The following ANKRD13C variants were observed in gnomAD, a reference collection of about 807,000 sequenced individuals.
ANKRD13C encodes the protein ankyrin repeat domain 13C.
A neutral mutation model predicts 65.5 loss-of-function variants in ANKRD13C; 16 were observed. The observed-to-expected ratio is 0.24, with a 90% CI of 0.17 to 0.37. The LOEUF is 0.37. Ranked by LOEUF, ANKRD13C falls within the 10% of genes least tolerant of loss-of-function variation. ANKRD13C has a pLI of 1.00. For missense variants in ANKRD13C, 503 were observed against 655.9 expected (o/e 0.77, Z 2.55); for synonymous variants, 235 against 238.7 (o/e 0.98, Z 0.14).
chr1:70,299,965 A>G (rs1680274208), intron 7 of ANKRD13C, among the ~76,000 whole-genome samples: 1 of 152,224 alleles, frequency 6.6e-6, no homozygotes, highest in Non-Finnish European at 1.5e-5. Flanking sequence ...ACACAAAGAT[A>G]TGGCATGAGA....
At chr1:70,323,918 G>C (rs1681425328) in intron 3 of ANKRD13C, among the ~76,000 whole-genome samples, 1 of 151,768 alleles carries the variant, frequency 6.6e-6, no homozygotes, top group Non-Finnish European at 1.5e-5. Context: ...TAGAGACGGG[G>C]TTTCACCACG....
chr1:70,337,406 C>A (rs996891486), intron 1 of ANKRD13C, among the ~76,000 whole-genome samples: 3 of 151,904 alleles, frequency 2.0e-5, no homozygotes, highest in Non-Finnish European at 4.4e-5. Flanking sequence ...ATGGTGAAAC[C>A]CCATCTCTAC....
Position 70,315,496 on chromosome 1 carries a change from T to C in ANKRD13C, c.648A>G (p.Leu216=). Reference sequence around the variant, plus strand: ...TATAGCTTACCTCTTTCAGGGCTTTTAATAATCGAGGTCGTTTTTCTTCAA... The same window carrying C: ...TATAGCTTACCTCTTTCAGGGCTTTCAATAATCGAGGTCGTTTTTCTTCAA... ...ESVEEKRPRL[L]KALKELGDFY... Residue 216 remains leucine (L), a synonymous_variant, in exon 4 of 13, where the codon TTA becomes TTG. Coordinates refer to ENST00000370944, the MANE Select transcript of ANKRD13C (RefSeq NM_030816.5). 2 of 1,602,078 alleles carry C rather than the reference T, an allele frequency of 1.2e-6. No homozygotes were observed. Among genetic ancestry groups the C allele is most frequent in the Non-Finnish European group, 1.7e-6 (2 of 1,172,776 alleles).
At chr1:70,302,449 G>A (rs1197706673) in intron 6 of ANKRD13C, among the ~76,000 whole-genome samples, 1 of 146,664 alleles carries the variant, frequency 6.8e-6, no homozygotes, top group African/African-American at 2.6e-5. Flanking sequence ...AGTATTGGCC[G>A]GGCGCGGTGG....
intron 1 of ANKRD13C, among the ~76,000 whole-genome samples, chr1:70,344,900 T>C (rs1471240498): frequency 6.6e-6 from 1 of 151,990 alleles, no homozygotes; most frequent in Non-Finnish European, 1.5e-5. Context: ...ATATAAAATT[T>C]CTTATGAAAA....
intron 9 of ANKRD13C, among the ~76,000 whole-genome samples, chr1:70,280,804 A>T (rs1221827038): frequency 2.6e-5 from 4 of 152,164 alleles, no homozygotes; most frequent in Non-Finnish European, 5.9e-5. Context: ...CCATTACATG[A>T]TTCAATCTAT....
At chr1:70,277,725 G>A (rs1482202078) in intron 9 of ANKRD13C, among the ~76,000 whole-genome samples, 1 of 152,098 alleles carries the variant, frequency 6.6e-6, no homozygotes, top group Non-Finnish European at 1.5e-5. Flanking sequence ...AACACAAGAA[G>A]ACTGATTTAA....
At chr1:70,353,538 C>A (rs1449603218) in intron 1 of ANKRD13C, among the ~76,000 whole-genome samples, 1 of 152,094 alleles carries the variant, frequency 6.6e-6, no homozygotes, top group Non-Finnish European at 1.5e-5. Flanking sequence ...CAACCAGTTG[C>A]AGTCAAGATG....
At chr1:70,335,915 C>T (rs1008892128) in intron 2 of ANKRD13C, 143 bp downstream of exon 2, 22 of 244,560 alleles carry the variant, frequency 9.0e-5, no homozygotes, top group Non-Finnish European at 1.3e-4. Flanking sequence ...AAAATATTTA[C>T]TAATTTCAAT....
intron 9 of ANKRD13C, among the ~76,000 whole-genome samples, chr1:70,282,515 G>T (rs1679442517): frequency 6.6e-6 from 1 of 152,162 alleles, no homozygotes; most frequent in Non-Finnish European, 1.5e-5. Flanking sequence ...TCTTGTTTAA[G>T]TCACTGTTCT....
rs111749565 is a variant in ANKRD13C, at chr1:70,296,219, T to C, written c.964A>G (p.Ser322Gly). 5.6e-6 allele frequency: 9 copies of C among 1,613,880 alleles called. No homozygotes were observed. The South Asian group carries it at 8.8e-5, about 16-fold the overall frequency. ...ETEEEVDILM[S>G]SDIYSATLST... Reference sequence around the variant, plus strand: ...AAAGTTGCAGAGTAAATATCACTGCTCATTAAAATATCCACCTCTTCTTCT... The same window carrying C: ...AAAGTTGCAGAGTAAATATCACTGCCCATTAAAATATCCACCTCTTCTTCT... The change falls in exon 8 of 13, where the codon AGC (serine) becomes GGC (glycine). Residue 322 changes from serine (S) to glycine (G), a missense_variant. By Grantham distance (56) the Ser-to-Gly change is moderately conservative. Coordinates refer to ENST00000370944, the MANE Select transcript of ANKRD13C (RefSeq NM_030816.5).
chr1:70,297,742 C>T (rs1479415719), intron 7 of ANKRD13C, among the ~76,000 whole-genome samples: 3 of 149,992 alleles, frequency 2.0e-5, no homozygotes, highest in Admixed American at 6.6e-5. Flanking sequence ...GGTGAAACCC[C>T]GTCTCTACTA....
chr1:70,309,711 G>T, intron 5 of ANKRD13C, among the ~76,000 whole-genome samples: 1 of 132,256 alleles, frequency 7.6e-6, no homozygotes, highest in African/African-American at 2.7e-5. Flanking sequence ...GCCAGACTCC[G>T]TCGCAAAAAA....
intron 12 of ANKRD13C, among the ~76,000 whole-genome samples, chr1:70,265,413 T>C (rs866057778): frequency 8.5e-5 from 13 of 152,150 alleles, no homozygotes; most frequent in African/African-American, 3.1e-4. Flanking sequence ...AAGTTTCTAC[T>C]ACATTTAACA....
At chr1:70,266,939 C>T (rs1678653667) in intron 12 of ANKRD13C, among the ~76,000 whole-genome samples, 1 of 152,098 alleles carries the variant, frequency 6.6e-6, no homozygotes, top group Non-Finnish European at 1.5e-5. Flanking sequence ...CTATAAATGC[C>T]AATTAAATCC....
intron 12 of ANKRD13C, 75 bp downstream of exon 12, chr1:70,270,781 A>G: frequency 9.6e-7 from 1 of 1,038,984 alleles, no homozygotes; most frequent in South Asian, 1.5e-5. Flanking sequence ...TTTAAAAGAA[A>G]TTGCTTATTA....
intron 3 of ANKRD13C, among the ~76,000 whole-genome samples, chr1:70,315,974 C>A (rs1316725403): frequency 6.6e-6 from 1 of 152,142 alleles, no homozygotes; most frequent in African/African-American, 2.4e-5. Context: ...CCTAACTGTG[C>A]CAAGATAACC....
At chr1:70,304,001 C>T (rs1167936264) in intron 6 of ANKRD13C, among the ~76,000 whole-genome samples, 8 of 152,158 alleles carry the variant, frequency 5.3e-5, no homozygotes, top group South Asian at 2.1e-4. Context: ...ACTTTTCTCA[C>T]AATTTTTCTC....
intron 2 of ANKRD13C, among the ~76,000 whole-genome samples, chr1:70,333,010 T>C (rs1043185054): frequency 1.4e-4 from 22 of 152,184 alleles, no homozygotes; most frequent in Non-Finnish European, 4.4e-5. Context: ...AAGTTGCATG[T>C]TGGCCAACTT....
Sources: gnomAD v4.1 joint callset for allele counts (sites outside exome capture counted in the v4.1 genomes callset) on GRCh38, gnomAD v4.1.1 for gene constraint, MANE v1.5 for transcripts, NCBI Gene and HGNC (gene_info 2026-07-23, HGNC 2026-07-21) for gene names.